Variants in IL1RAPL2 observed in about 807,000 individuals in gnomAD.
The protein encoded by IL1RAPL2 is interleukin 1 receptor accessory protein like 2, also known as X-linked interleukin-1 receptor accessory protein-like 2.
Under a neutral mutation model 44.1 loss-of-function variants are expected in IL1RAPL2, and 3 were observed. That is an observed-to-expected ratio of 0.07 (90% CI 0.03 to 0.18). The LOEUF (loss-of-function observed/expected upper bound fraction) is 0.18. IL1RAPL2 is among the 10% of genes least tolerant of loss of function. IL1RAPL2 has a pLI of 1.00. For missense variants in IL1RAPL2, 391 were observed against 496.4 expected, an observed-to-expected ratio of 0.79 and a Z score of 2.02; for synonymous variants, 181 against 178.8, an observed-to-expected ratio of 1.01 and a Z score of -0.10.
intron 2 of IL1RAPL2, among the ~76,000 whole-genome samples, chrX:104,671,051 G>C (rs982399879): frequency 3.6e-5 from 4 of 110,675 alleles, no homozygotes; most frequent in African/African-American, 1.3e-4. Flanking sequence ...TTATTCCTTA[G>C]TTCACTTATT....
chrX:105,064,995 C>T (rs1158214174), intron 2 of IL1RAPL2, among the ~76,000 whole-genome samples: 1 of 112,584 alleles, frequency 8.9e-6, no homozygotes, highest in East Asian at 2.8e-4. Context: ...CTAAAACCTA[C>T]AGACCATATG....
intron 6 of IL1RAPL2, among the ~76,000 whole-genome samples, chrX:105,511,038 T>C (rs992168282): frequency 1.8e-5 from 2 of 111,789 alleles, no homozygotes; most frequent in African/African-American, 6.5e-5. Context: ...TTTGTTGATA[T>C]GACAAAGGAA....
chrX:105,160,436 T>A (rs2033312961), intron 2 of IL1RAPL2, among the ~76,000 whole-genome samples: 1 of 111,310 alleles, frequency 9.0e-6, no homozygotes, highest in Non-Finnish European at 1.9e-5. Flanking sequence ...GCCTGCACAA[T>A]TTAGGGGCAC....
At chrX:105,523,523 A>T (rs2036574166) in intron 6 of IL1RAPL2, among the ~76,000 whole-genome samples, 1 of 111,803 alleles carries the variant, frequency 8.9e-6, no homozygotes, top group Non-Finnish European at 1.9e-5. Context: ...AATAATTGGT[A>T]TTTGTTTTAA....
chrX:105,520,772 T>G (rs1467901237), intron 6 of IL1RAPL2, among the ~76,000 whole-genome samples: 1 of 110,960 alleles, frequency 9.0e-6, no homozygotes, highest in Non-Finnish European at 1.9e-5. Flanking sequence ...GATACGTGGC[T>G]TGCTAAAACT....
At chrX:104,758,589 G>T (rs1052311040) in intron 2 of IL1RAPL2, among the ~76,000 whole-genome samples, 2 of 111,470 alleles carry the variant, frequency 1.8e-5, no homozygotes, top group African/African-American at 6.5e-5. Flanking sequence ...ACAGTTATGA[G>T]TGACTGAAAA....
chrX:105,356,182 G>T (rs754500549), intron 5 of IL1RAPL2, among the ~76,000 whole-genome samples: 44 of 100,045 alleles, frequency 4.4e-4, no homozygotes, highest in African/African-American at 2.0e-3. Context: ...GTGTGTGTGT[G>T]TGGTTTGTTT....
intron 2 of IL1RAPL2, among the ~76,000 whole-genome samples, chrX:104,676,034 G>T (rs1265052003): frequency 1.9e-5 from 2 of 107,788 alleles, no homozygotes; most frequent in Non-Finnish European, 3.9e-5. Flanking sequence ...GCACACTGAT[G>T]GGTCTTGACT....
intron 3 of IL1RAPL2, among the ~76,000 whole-genome samples, chrX:105,229,102 G>A (rs1196409630): frequency 1.8e-5 from 2 of 111,841 alleles, no homozygotes; most frequent in East Asian, 2.8e-4. Context: ...TTGCACACTC[G>A]TCAGTCTGCC....
At chrX:105,189,691 T>C (rs1426901169) in intron 2 of IL1RAPL2, among the ~76,000 whole-genome samples, 1 of 112,094 alleles carries the variant, frequency 8.9e-6, no homozygotes, top group African/African-American at 3.2e-5. Flanking sequence ...TTAATTACTC[T>C]GTAAACACTG....
chrX:105,165,692 A>T (rs189590863), intron 2 of IL1RAPL2, among the ~76,000 whole-genome samples: 3 of 112,085 alleles, frequency 2.7e-5, no homozygotes, highest in Non-Finnish European at 5.6e-5. Context: ...ACATTTACCC[A>T]TATGCTCTAG....
At chrX:105,559,611 A>C (rs16984811) in intron 6 of IL1RAPL2, among the ~76,000 whole-genome samples, 8,379 of 111,659 alleles carry the variant, frequency 0.075, 305 homozygotes, top group Admixed American at 0.16. Context: ...TCTTATATTC[A>C]TCTACTTTGG....
At chrX:104,874,230 AT>A (rs2147654026) in intron 2 of IL1RAPL2, among the ~76,000 whole-genome samples, 1 of 107,634 alleles carries the variant, frequency 9.3e-6, no homozygotes, top group Admixed American at 1.0e-4. Flanking sequence ...TATCTTGTCT[AT>A]TTACAGACCT....
intron 1 of IL1RAPL2, among the ~76,000 whole-genome samples, chrX:104,613,806 G>GT (rs60588678): frequency 0.092 from 5,713 of 61,785 alleles, 721 homozygotes; most frequent in African/African-American, 0.31. Flanking sequence ...TCCAGGGCAT[G>GT]TTTTTTTTTT....
intron 5 of IL1RAPL2, among the ~76,000 whole-genome samples, chrX:105,477,044 T>A (rs368770107): frequency 8.9e-6 from 1 of 112,273 alleles, no homozygotes; most frequent in East Asian, 2.8e-4. Flanking sequence ...GTGTCTTAAG[T>A]TCACATTAAG....
intron 2 of IL1RAPL2, among the ~76,000 whole-genome samples, chrX:104,946,865 G>A (rs747275648): frequency 3.4e-4 from 32 of 95,045 alleles, no homozygotes; most frequent in African/African-American, 8.2e-4. Context: ...GAATAATGCC[G>A]CAATAAACAT....
intron 3 of IL1RAPL2, among the ~76,000 whole-genome samples, chrX:105,209,200 T>C (rs1022266666): frequency 8.9e-6 from 1 of 111,821 alleles, no homozygotes; most frequent in Admixed American, 9.5e-5. Flanking sequence ...ATATACACAC[T>C]CTGCTCAAAT....
chrX:105,711,476 A>T (rs1008708862), intron 6 of IL1RAPL2, among the ~76,000 whole-genome samples: 2 of 110,950 alleles, frequency 1.8e-5, no homozygotes, highest in African/African-American at 6.6e-5. Flanking sequence ...TTACCTAATC[A>T]CCTCTTAAAG....
intron 3 of IL1RAPL2, among the ~76,000 whole-genome samples, chrX:105,222,027 A>G (rs921484714): frequency 5.4e-5 from 6 of 111,031 alleles, no homozygotes; most frequent in Non-Finnish European, 1.1e-4. Flanking sequence ...AATCTTTCCT[A>G]TGATCATGTT....
Sources: gnomAD v4.1 joint callset for allele counts (sites outside exome capture counted in the v4.1 genomes callset) on GRCh38, gnomAD v4.1.1 for gene constraint, MANE v1.5 for transcripts, NCBI Gene and HGNC (gene_info 2026-07-23, HGNC 2026-07-21) for gene names.